The following DPPA4 variants were observed in gnomAD, a reference collection of about 807,000 sequenced individuals.
DPPA4 encodes developmental pluripotency associated 4.
A neutral mutation model predicts 33.7 loss-of-function variants in DPPA4; 22 were observed. The ratio of observed to expected loss-of-function variants is 0.65; its 90% CI spans 0.47 to 0.93. The LOEUF (loss-of-function observed/expected upper bound fraction) is 0.93. DPPA4 is among the 40% of genes least tolerant of loss of function. The pLI is 0.00. For synonymous variants in DPPA4, 156 were observed against 132.3 expected, an observed-to-expected ratio of 1.18 and a Z score of -1.23; for missense variants, 340 against 358.6, an observed-to-expected ratio of 0.95 and a Z score of 0.42.
chr3:109,330,896 A>G lies in DPPA4; in HGVS notation c.391-84T>C, dbSNP rs562989869. 4,571 of 1,262,960 alleles carry G rather than the reference A, an allele frequency of 3.6e-3. 18 individuals carry two copies. Among genetic ancestry groups the G allele is most frequent in the South Asian group, 5.6e-3 (367 of 65,328 alleles). 78.2% of individuals were successfully genotyped at this position (1,262,960 alleles called of 1,614,324 possible). ...GCCTAAGGAGCTCTTGATCAAATAC[A>G]AAGTTTCACTTAGGAGGACTAGGTT... On this transcript the variant is annotated intron_variant, in intron 4 of 6. Coordinates refer to ENST00000335658, the MANE Select transcript of DPPA4 (RefSeq NM_018189.4).
chr3:109,337,565 T>A, upstream of DPPA4: 2 of 1,576,402 alleles, frequency 1.3e-6, no homozygotes, highest in Non-Finnish European at 1.7e-6. Context: ...CAAAGTCTCC[T>A]CCCACTTCCT....
rs776187624 is a variant in DPPA4 at position 109,330,836 on chromosome 3, A to C, written c.391-24T>G. ...TCCTACAAAAAGGGTTAAATAATAA[A>C]GATAAAAATACAGATTAAAATTCTA... On this transcript the variant is annotated intron_variant, in intron 4 of 6. Transcript: ENST00000335658. 5.1e-6 allele frequency: 8 copies of C among 1,560,586 alleles called. No homozygotes were observed. In the African/African-American group the frequency reaches 1.1e-4, roughly 22 times the overall value.
At chr3:109,333,016 G>T (rs1708114539) in intron 2 of DPPA4, among the ~76,000 whole-genome samples, 1 of 152,086 alleles carries the variant, frequency 6.6e-6, no homozygotes, top group South Asian at 2.1e-4. Flanking sequence ...AACCCGGGAG[G>T]CAGAGGTTGT....
chr3:109,332,053 TGAG>T, intron 2 of DPPA4, 22 bp from the exon 3 acceptor site: 1 of 1,552,794 alleles, frequency 6.4e-7, no homozygotes. Flanking sequence ...TGGAATCAAA[TGAG>T]TAGTAATTAT....
At chr3:109,330,861 A>G (rs752308601) in intron 4 of DPPA4, 49 bp from the exon 5 acceptor site, 4 of 1,468,704 alleles carry the variant, frequency 2.7e-6, no homozygotes, top group Non-Finnish European at 2.7e-6. Flanking sequence ...TTAAAATTCT[A>G]ACAAAAATGG....
At chr3:109,329,456 A>C in intron 5 of DPPA4, 1 of 195,120 alleles carries the variant, frequency 5.1e-6, no homozygotes, top group African/African-American at 2.3e-5. Flanking sequence ...AATGGCGTGA[A>C]CCCGGGAGGC....
At chr3:109,328,765 G>T in intron 6 of DPPA4, 125 bp downstream of exon 6, 1 of 901,108 alleles carries the variant, frequency 1.1e-6, no homozygotes, top group Non-Finnish European at 1.7e-6. Context: ...TAATTTTCTT[G>T]AAACTCTTTA....
chr3:109,337,578 C>T, upstream of DPPA4: 3 of 1,482,864 alleles, frequency 2.0e-6, no homozygotes, highest in Non-Finnish European at 2.8e-6. Context: ...CACTTCCTGC[C>T]GCCCGAAGAC....
rs1708240340 is a variant in DPPA4 at position 109,337,540 on chromosome 3, C to G, written c.-23G>C. 4 of 1,613,584 alleles carry G rather than the reference C, an allele frequency of 2.5e-6. No individual in the cohort carries two copies. The East Asian group carries it at 8.9e-5, about 36-fold the overall frequency. Reference sequence around the variant, plus strand: ...CATGCTTCCAAAATGGCCCCTGCCCCAAGATTGCTATTTGCAAAGTCTCCT... The same window carrying G: ...CATGCTTCCAAAATGGCCCCTGCCCGAAGATTGCTATTTGCAAAGTCTCCT... On this transcript the variant is annotated 5_prime_UTR_variant, in exon 1 of 7. Coordinates refer to ENST00000335658, the MANE Select transcript of DPPA4 (RefSeq NM_018189.4).
upstream of DPPA4, among the ~76,000 whole-genome samples, chr3:109,337,888 A>G (rs1453110853): frequency 1.3e-5 from 2 of 152,206 alleles, no homozygotes; most frequent in Non-Finnish European, 2.9e-5. Flanking sequence ...AAGGGATTTA[A>G]TAATGGAACT....
At chr3:109,337,199 CTCT>C (rs1037949643) in intron 1 of DPPA4, among the ~76,000 whole-genome samples, 4 of 149,774 alleles carry the variant, frequency 2.7e-5, no homozygotes, top group South Asian at 2.1e-4. Flanking sequence ...CGCGCCCGGC[CTCT>C]TTTTTTTTTT....
intron 2 of DPPA4, 133 bp from the exon 3 acceptor site, chr3:109,332,164 C>T (rs998057400): frequency 4.7e-5 from 33 of 703,762 alleles, no homozygotes; most frequent in South Asian, 4.2e-4. Flanking sequence ...TGCAGTGGCG[C>T]GATCTTGGCT....
At chr3:109,335,891 G>A (rs1039353606) in intron 1 of DPPA4, among the ~76,000 whole-genome samples, 3 of 151,550 alleles carry the variant, frequency 2.0e-5, no homozygotes, top group South Asian at 2.1e-4. Flanking sequence ...CGTGGCTCAC[G>A]CCTGTAATCC....
At position 109,333,945 on chromosome 3, in the gene DPPA4, G is replaced by C. The variant is rs1457210347; in HGVS notation, c.103C>G (p.Gln35Glu). ...CCTGGCAAAGCAATTGAATTTGGTT[G>C]ATTAGAAGCCTGCTGATCCTCTTCC... Reference protein sequence around the residue: ...SREEDQQASNQPNSIALPGTS... With the variant: ...SREEDQQASNEPNSIALPGTS... The change falls in exon 2 of 7, where the codon CAA (glutamine) becomes GAA (glutamate). Residue 35 changes from glutamine (Q) to glutamate (E), a missense_variant. Around this residue, in one of 3 missense-constraint regions of DPPA4, gnomAD observed 96 missense variants for 91.8 expected, o/e 1.05. Transcript: ENST00000335658. 6.2e-7 allele frequency: 1 copy of C among 1,614,008 alleles called. No individual in the cohort carries two copies. Among genetic ancestry groups the C allele is most frequent in the African/African-American group, 1.3e-5 (1 of 74,914 alleles).
intron 1 of DPPA4, among the ~76,000 whole-genome samples, chr3:109,335,563 A>G (rs1453293237): frequency 1.3e-5 from 2 of 151,918 alleles, no homozygotes; most frequent in Non-Finnish European, 2.9e-5. Context: ...CACTAGCTGG[A>G]ATTACAGGCG....
chr3:109,338,932 C>T (rs564444488), upstream of DPPA4, among the ~76,000 whole-genome samples: 69 of 152,222 alleles, frequency 4.5e-4, no homozygotes, highest in African/African-American at 1.6e-3. Flanking sequence ...TGGCTCACGC[C>T]TGTAATCTCA....
intron 4 of DPPA4, among the ~76,000 whole-genome samples, chr3:109,331,260 C>CAAAA (rs10593582): frequency 1.7e-3 from 101 of 58,336 alleles, no homozygotes; most frequent in African/African-American, 2.4e-3. Context: ...GACTCTGTCT[C>CAAAA]AAAAAAAAAA....
chr3:109,335,921 G>A (rs966281407), intron 1 of DPPA4, among the ~76,000 whole-genome samples: 6 of 151,762 alleles, frequency 4.0e-5, no homozygotes, highest in Non-Finnish European at 2.9e-5. Flanking sequence ...GGGAGGCCGA[G>A]GTGGGCTGAC....
At position 109,330,764 on chromosome 3, in the gene DPPA4, T is replaced by C. The variant is rs1708053236; in HGVS notation, c.439A>G (p.Lys147Glu). Residue 147 changes from lysine to glutamate, a missense_variant, in exon 5 of 7, where the codon AAA becomes GAA. This residue lies in a region of DPPA4 where 212 missense variants were observed against 206.5 expected (regional missense o/e 1.03). Coordinates refer to ENST00000335658, the MANE Select transcript of DPPA4 (RefSeq NM_018189.4). The stretch of plus-strand genomic sequence containing the variant: ...TCCCCCTTTTCCACCTTTAATTTTT[T>C]TTGCAATGATTTCCGGATTTTGGCC... ...KEAKIRKSLQ[K>E]KLKVEKGETS... 6.2e-7 allele frequency: 1 copy of C among 1,613,630 alleles called. No individual in the cohort carries two copies. The highest frequency in any genetic ancestry group is 8.5e-7 in the Non-Finnish European group (1 of 1,179,910).
Sources: gnomAD v4.1 joint callset for allele counts (sites outside exome capture counted in the v4.1 genomes callset) on GRCh38, gnomAD v4.1.1 for gene constraint, gnomAD v4.1.1 regional missense constraint, MANE v1.5 for transcripts, NCBI Gene and HGNC (gene_info 2026-07-23, HGNC 2026-07-21) for gene names.